ZDHHC11B: variants seen among roughly 807,000 people sequenced by gnomAD.
ZDHHC11B encodes probable palmitoyltransferase ZDHHC11B.
Under a neutral mutation model 42.3 loss-of-function variants are expected in ZDHHC11B, and 17 were observed. The ratio of observed to expected loss-of-function variants is 0.40; its 90% confidence interval spans 0.27 to 0.60. The LOEUF (loss-of-function observed/expected upper bound fraction) is 0.60. Ranked by LOEUF, ZDHHC11B falls within the 20% of genes least tolerant of loss-of-function variation. The probability of loss-of-function intolerance (pLI) is 0.41; values close to 1 mark genes in which losing one functional copy is unlikely to be tolerated. For synonymous variants in ZDHHC11B, 123 were observed against 193.5 expected (o/e 0.64, Z 3.02); for missense variants, 262 against 463.2 (o/e 0.57, Z 3.99).
intron 13 of ZDHHC11B, among the ~76,000 whole-genome samples, chr5:713,987 C>T (rs541737368): frequency 3.7e-4 from 52 of 139,024 alleles, no homozygotes; most frequent in African/African-American, 1.2e-3. Flanking sequence ...AGCTGCACTC[C>T]CCACTAGATT....
At chr5:773,520 C>T (rs1219647095) in intron 1 of ZDHHC11B, among the ~76,000 whole-genome samples, 1 of 151,830 alleles carries the variant, frequency 6.6e-6, no homozygotes, top group Non-Finnish European at 1.5e-5. Context: ...CACCATCCCA[C>T]ATGTGCCCTG....
chr5:745,632 A>G (rs910765759), intron 8 of ZDHHC11B, among the ~76,000 whole-genome samples: 2 of 149,916 alleles, frequency 1.3e-5, no homozygotes, highest in Admixed American at 6.7e-5. Context: ...GGTCCCCTAT[A>G]CCATGCAGCC....
intron 10 of ZDHHC11B, among the ~76,000 whole-genome samples, chr5:739,258 CG>C (rs1447227359): frequency 1.3e-5 from 2 of 150,792 alleles, no homozygotes; most frequent in Admixed American, 6.6e-5. Flanking sequence ...ATTAGCTGGG[CG>C]TGCTGGTGGG....
chr5:780,717 C>T (rs371165537), intron 1 of ZDHHC11B, among the ~76,000 whole-genome samples: 3 of 150,210 alleles, frequency 2.0e-5, no homozygotes, highest in Non-Finnish European at 3.0e-5. Flanking sequence ...TGGGCACTGG[C>T]GAAGGTGGCA....
At chr5:756,960 T>A (rs1476907257) in intron 4 of ZDHHC11B, among the ~76,000 whole-genome samples, 3 of 151,756 alleles carry the variant, frequency 2.0e-5, no homozygotes, top group African/African-American at 7.3e-5. Context: ...TTGGGCCCTC[T>A]GGGCTCGGAG....
chr5:748,522 G>A lies in ZDHHC11B; in HGVS notation c.666C>T (p.Pro222=), dbSNP rs755707470. ...GAGTCTGCACCTGCACCGGGAACAG[G>A]GGGAGGAACAGCAGCCACGTGTTCA... is the stretch of plus-strand genomic sequence containing the variant. ...KNMNTWLLFL[P]LFPVQVQTLI... is the part of the protein sequence containing the mutation. Residue 222 remains proline (P), a synonymous_variant, in exon 8 of 14, where the codon CCC becomes CCT. Coordinates refer to ENST00000508859, the MANE Select transcript of ZDHHC11B (RefSeq NM_001351303.2). 5.1e-6 allele frequency: 7 copies of A among 1,365,362 alleles called. 1 individual carries two copies. Among genetic ancestry groups the A allele is most frequent in the South Asian group, 3.2e-5 (2 of 62,036 alleles). The allele number at this position is 1,365,362 out of a possible 1,614,324, so 84.6% of individuals were successfully genotyped here.
chr5:755,315 G>A (rs1477478988), intron 5 of ZDHHC11B, among the ~76,000 whole-genome samples: 2 of 135,924 alleles, frequency 1.5e-5, no homozygotes, highest in African/African-American at 5.2e-5. Context: ...TAGCCACAGA[G>A]CAGGAGGAGC....
At chr5:746,100 C>G (rs985122720) in intron 8 of ZDHHC11B, among the ~76,000 whole-genome samples, 1 of 149,148 alleles carries the variant, frequency 6.7e-6, no homozygotes, top group Non-Finnish European at 1.5e-5. Context: ...AAAGAGCCGT[C>G]TTAACAAACG....
chr5:764,529 C>T (rs1462977265), intron 4 of ZDHHC11B, among the ~76,000 whole-genome samples: 1 of 151,920 alleles, frequency 6.6e-6, no homozygotes, highest in African/African-American at 2.4e-5. Flanking sequence ...GAGGGTGCGC[C>T]AGGTCCCCCA....
In ZDHHC11B at chr5:764,220, C is replaced by T. The variant is rs1282073092; in HGVS notation, c.222+2478G>A. On this transcript the variant is annotated intron_variant, in intron 4 of 13. Transcript: ENST00000508859. Reference sequence around the variant, plus strand: ...GCAGTGGTGTTGAGAGGTGACAGCACGCTGGCAGCCCTGGCAGCCCTCGCT... The same window carrying T: ...GCAGTGGTGTTGAGAGGTGACAGCATGCTGGCAGCCCTGGCAGCCCTCGCT... 2.0e-4 allele frequency among the ~76,000 whole-genome samples: 30 copies of T among 152,118 alleles called. 1 individual carries two copies. The East Asian group carries it at 4.8e-3, about 25-fold the overall frequency.
chr5:748,930 C>T (rs1256117795), intron 7 of ZDHHC11B, among the ~76,000 whole-genome samples: 3 of 108,414 alleles, frequency 2.8e-5, no homozygotes, highest in African/African-American at 9.3e-5. Context: ...CCCACCCCTT[C>T]CTCACTAAGT....
chr5:784,401 C>T (rs1254331608), intron 1 of ZDHHC11B, among the ~76,000 whole-genome samples: 1 of 152,026 alleles, frequency 6.6e-6, no homozygotes, highest in African/African-American at 2.4e-5. Flanking sequence ...AGTGACAGAC[C>T]TGTCCCTGGC....
intron 11 of ZDHHC11B, among the ~76,000 whole-genome samples, chr5:731,011 G>C (rs1414754733): frequency 6.6e-6 from 1 of 152,072 alleles, no homozygotes; most frequent in East Asian, 1.9e-4. Context: ...GTTCCTGCTT[G>C]TGGAAGCTCT....
chr5:761,323 C>A (rs1418028785), intron 4 of ZDHHC11B, among the ~76,000 whole-genome samples: 5 of 151,802 alleles, frequency 3.3e-5, no homozygotes, highest in Non-Finnish European at 7.4e-5. Context: ...TGCAGGACAC[C>A]CGGGGCCAAT....
intron 4 of ZDHHC11B, among the ~76,000 whole-genome samples, chr5:760,876 C>T (rs1237598086): frequency 8.6e-5 from 13 of 151,396 alleles, no homozygotes; most frequent in Admixed American, 4.6e-4. Context: ...GACAGTGCAG[C>T]GGGACAGGCC....
intron 8 of ZDHHC11B, among the ~76,000 whole-genome samples, chr5:746,035 A>G (rs972490574): frequency 6.7e-6 from 1 of 149,882 alleles, no homozygotes; most frequent in Non-Finnish European, 1.5e-5. Context: ...CCTGTCCTGC[A>G]GGCAGCAAAG....
chr5:734,071 A>G (rs148372628), intron 10 of ZDHHC11B, among the ~76,000 whole-genome samples: 16,552 of 132,488 alleles, frequency 0.12, 1,106 homozygotes, highest in African/African-American at 0.29. Context: ...CCACTGGGAC[A>G]ATGCAAAGCA....
intron 1 of ZDHHC11B, among the ~76,000 whole-genome samples, chr5:780,387 C>T (rs1352067361): frequency 6.6e-6 from 1 of 151,096 alleles, no homozygotes. Context: ...CGGGCATCCC[C>T]GTGGGAGTGT....
At chr5:722,751 C>T (rs374558604) in intron 12 of ZDHHC11B, among the ~76,000 whole-genome samples, 81 of 151,380 alleles carry the variant, frequency 5.4e-4, no homozygotes, top group African/African-American at 1.9e-3. Context: ...CATCTCCATG[C>T]CCAACCATAG....
Sources: gnomAD v4.1 joint callset for allele counts (sites outside exome capture counted in the v4.1 genomes callset) on GRCh38, gnomAD v4.1.1 for gene constraint, MANE v1.5 for transcripts, NCBI Gene and HGNC (gene_info 2026-07-23, HGNC 2026-07-21) for gene names.